WWOX: variants seen among roughly 807,000 people sequenced by gnomAD.
The protein encoded by WWOX is WW domain containing oxidoreductase, also known as WW domain-containing oxidoreductase.
WWOX carries 69 observed loss-of-function variants against 46.2 expected under a neutral mutation model. The observed-to-expected ratio is 1.49, with a 90% CI of 1.23 to 1.82. The LOEUF is 1.82. Among genes scored for constraint, WWOX ranks in the 40% most tolerant of loss-of-function variants. The probability of loss-of-function intolerance (pLI) is 0.00; values close to 1 mark genes in which losing one functional copy is unlikely to be tolerated. For synonymous variants in WWOX, 359 were observed against 202.6 expected (o/e 1.77, Z -6.56); for missense variants, 919 against 542.6 (o/e 1.69, Z -6.89).
chr16:78,638,109 C>T (rs575324951), intron 8 of WWOX, among the ~76,000 whole-genome samples: 79 of 152,190 alleles, frequency 5.2e-4, no homozygotes, highest in Admixed American at 1.1e-3. Flanking sequence ...CTTAGTTATT[C>T]TAATAACTGC....
intron 8 of WWOX, among the ~76,000 whole-genome samples, chr16:79,134,864 A>C (rs2150703844): frequency 6.6e-6 from 1 of 152,292 alleles, no homozygotes; most frequent in Admixed American, 6.5e-5. Flanking sequence ...CTTGGAAAGG[A>C]GAAAGCAACT....
chr16:78,568,701 C>T (rs957086490), intron 8 of WWOX, among the ~76,000 whole-genome samples: 7 of 152,118 alleles, frequency 4.6e-5, no homozygotes, highest in African/African-American at 1.7e-4. Context: ...TGTCGATTTC[C>T]TGACCTTGAG....
chr16:79,175,514 C>T (rs2050782827), intron 8 of WWOX, among the ~76,000 whole-genome samples: 1 of 152,164 alleles, frequency 6.6e-6, no homozygotes, highest in Admixed American at 6.5e-5. Flanking sequence ...GTGGATATTA[C>T]TAGGTAGATT....
At chr16:78,789,012 G>A (rs1393204950) in intron 8 of WWOX, among the ~76,000 whole-genome samples, 4 of 152,108 alleles carry the variant, frequency 2.6e-5, no homozygotes, top group African/African-American at 7.2e-5. Context: ...TCATTCTGTG[G>A]GTAGTCTTTT....
intron 8 of WWOX, among the ~76,000 whole-genome samples, chr16:78,887,148 G>C (rs902310500): frequency 3.5e-5 from 5 of 144,606 alleles, no homozygotes; most frequent in Non-Finnish European, 6.0e-5. Flanking sequence ...ACCTAGTCTA[G>C]GGCTAGGTTT....
intron 8 of WWOX, among the ~76,000 whole-genome samples, chr16:78,676,534 A>C (rs2142219178): frequency 6.6e-6 from 1 of 152,196 alleles, no homozygotes; most frequent in East Asian, 1.9e-4. Flanking sequence ...TCCAACTCAA[A>C]GTCTACAGTC....
chr16:78,541,618 G>C (rs1340704767), intron 8 of WWOX, among the ~76,000 whole-genome samples: 1 of 151,616 alleles, frequency 6.6e-6, no homozygotes, highest in South Asian at 2.1e-4. Context: ...TAATGAACTT[G>C]GCCAGACAGA....
intron 8 of WWOX, among the ~76,000 whole-genome samples, chr16:79,124,912 A>G (rs1297198167): frequency 6.6e-6 from 1 of 152,182 alleles, no homozygotes; most frequent in Admixed American, 6.5e-5. Flanking sequence ...AGGTGGTATT[A>G]CTGTCCTCAT....
chr16:78,530,279 G>C (rs774750405), intron 8 of WWOX, among the ~76,000 whole-genome samples: 9 of 152,302 alleles, frequency 5.9e-5, no homozygotes, highest in Middle Eastern at 3.4e-3. Context: ...TGGAGGGTCA[G>C]CGTGACAGCC....
chr16:78,471,738 T>A (rs934776753), intron 8 of WWOX, among the ~76,000 whole-genome samples: 1 of 152,220 alleles, frequency 6.6e-6, no homozygotes, highest in Non-Finnish European at 1.5e-5. Context: ...TGAACATCAT[T>A]TGGCCTGAAC....
At chr16:78,488,046 C>T (rs1191244369) in intron 8 of WWOX, among the ~76,000 whole-genome samples, 1 of 152,182 alleles carries the variant, frequency 6.6e-6, no homozygotes, top group African/African-American at 2.4e-5. Flanking sequence ...TCTTCTCTCT[C>T]AGGCTGTTAC....
chr16:78,196,746 C>G (rs1351153798), intron 5 of WWOX, among the ~76,000 whole-genome samples: 1 of 152,118 alleles, frequency 6.6e-6, no homozygotes, highest in Non-Finnish European at 1.5e-5. Context: ...ATTATTGGCC[C>G]TATTTTGCTT....
intron 8 of WWOX, among the ~76,000 whole-genome samples, chr16:79,076,091 T>C (rs2048650971): frequency 6.6e-6 from 1 of 152,200 alleles, no homozygotes; most frequent in Non-Finnish European, 1.5e-5. Flanking sequence ...TTTGAGCCAA[T>C]GATACATTGC....
In WWOX at chr16:78,115,008, C is replaced by G. The variant is rs200371768; in HGVS notation, c.263C>G (p.Pro88Arg). The G allele has an allele frequency of 3.1e-6, 5 of 1,614,240 alleles. No individual in the cohort carries two copies. Among genetic ancestry groups the G allele is most frequent in the Non-Finnish European group, 4.2e-6 (5 of 1,180,052 alleles). ...AATAAAAGAACCACCTACTTGGACC[C>G]AAGACTGGCGTTTACTGTGGATGAT... The part of the protein sequence containing the change: ...HINKRTTYLD[P>R]RLAFTVDDNP... The change falls in exon 4 of 9, where the codon CCA becomes CGA. Residue 88 changes from proline to arginine, a missense_variant. Pro to Arg is a moderately radical substitution (Grantham distance 103, BLOSUM62 -2). Coordinates refer to ENST00000566780, the MANE Select transcript of WWOX (RefSeq NM_016373.4).
chr16:78,687,839 C>T (rs534005122), intron 8 of WWOX, among the ~76,000 whole-genome samples: 8 of 152,042 alleles, frequency 5.3e-5, no homozygotes, highest in African/African-American at 1.7e-4. Flanking sequence ...CTCAAGTAGG[C>T]GTTTTTAAAT....
At chr16:78,770,720 A>G (rs1250949736) in intron 8 of WWOX, among the ~76,000 whole-genome samples, 3 of 123,378 alleles carry the variant, frequency 2.4e-5, no homozygotes, top group Non-Finnish European at 4.8e-5. Context: ...GCTTCGCACC[A>G]GAACCCGTCT....
chr16:79,142,015 T>C (rs570261104), intron 8 of WWOX, among the ~76,000 whole-genome samples: 1 of 152,214 alleles, frequency 6.6e-6, no homozygotes, highest in African/African-American at 2.4e-5. Context: ...AAAAGAGCAG[T>C]AAGGACAGGA....
Position 78,197,951 on chromosome 16 carries a change from T to A in WWOX, c.516+33662T>A, listed in dbSNP as rs1342866226. The stretch of plus-strand genomic sequence containing the variant: ...GTACTGGTAGTTTTTCTTTTATTTT[T>A]TTTTTAAATTTCTTCCATTTTCTTT... On this transcript the variant is annotated intron_variant, in intron 5 of 8. Coordinates refer to ENST00000566780, the MANE Select transcript of WWOX (RefSeq NM_016373.4). 3.3e-5 allele frequency among the ~76,000 whole-genome samples: 5 copies of A among 152,318 alleles called. No homozygotes were observed. In the South Asian group the frequency reaches 1.0e-3, roughly 32 times the overall value.
At chr16:78,383,429 A>G (rs982453529) in intron 5 of WWOX, among the ~76,000 whole-genome samples, 4 of 152,192 alleles carry the variant, frequency 2.6e-5, no homozygotes, top group African/African-American at 9.7e-5. Context: ...AGCTAAACCA[A>G]TAAAGTGAAT....
Sources: allele counts gnomAD v4.1 joint callset (sites outside exome capture counted in the v4.1 genomes callset), GRCh38; gene constraint gnomAD v4.1.1; transcripts MANE v1.5; gene names NCBI Gene and HGNC (gene_info 2026-07-23, HGNC 2026-07-21).